Variants in ACACA observed in about 807,000 individuals in gnomAD.
The protein encoded by ACACA is acetyl-CoA carboxylase alpha.
A neutral mutation model predicts 296.1 loss-of-function variants in ACACA; 103 were observed. The observed-to-expected ratio is 0.35, with a 90% CI of 0.30 to 0.41. ACACA has a LOEUF of 0.41. ACACA is among the 10% of genes least tolerant of loss of function. The probability of loss-of-function intolerance (pLI) is 1.00; values close to 1 mark genes in which losing one functional copy is unlikely to be tolerated. For synonymous variants in ACACA, 953 were observed against 1,038.6 expected (o/e 0.92, Z 1.58); for missense variants, 1,554 against 2,989.7 (o/e 0.52, Z 11.20).
intron 55 of ACACA, 36 bp downstream of exon 55, chr17:37,088,902 C>T (rs1421453107): frequency 2.5e-6 from 4 of 1,612,864 alleles, no homozygotes; most frequent in Admixed American, 1.7e-5. Context: ...GAAATTAGCC[C>T]TCCTTCTCTA....
At chr17:37,390,317 T>TATATA (rs1254105888) in intron 1 of ACACA, among the ~76,000 whole-genome samples, 1 of 51,070 alleles carries the variant, frequency 2.0e-5, no homozygotes, top group Non-Finnish European at 3.1e-5. Context: ...TATATATATA[T>TATATA]ATATATATAT....
intron 3 of ACACA, among the ~76,000 whole-genome samples, chr17:37,287,569 T>TAAAAA (rs1170331801): frequency 2.9e-5 from 2 of 69,886 alleles, no homozygotes; most frequent in African/African-American, 1.1e-4. Context: ...ACGTCTCTAC[T>TAAAAA]AAAAAAAAAA....
chr17:37,401,870 C>T (rs952381411), intron 1 of ACACA, among the ~76,000 whole-genome samples: 1 of 152,254 alleles, frequency 6.6e-6, no homozygotes, highest in African/African-American at 2.4e-5. Flanking sequence ...AGAAACTCTA[C>T]GTTTGATTCT....
At chr17:37,148,983 C>T (rs1480672582) in intron 45 of ACACA, among the ~76,000 whole-genome samples, 1 of 152,168 alleles carries the variant, frequency 6.6e-6, no homozygotes, top group Admixed American at 6.5e-5. Flanking sequence ...TGCACAAGGG[C>T]AGTCAGCCTC....
chr17:37,323,711 G>A (rs1028324851), intron 3 of ACACA, among the ~76,000 whole-genome samples: 24 of 152,242 alleles, frequency 1.6e-4, no homozygotes, highest in Non-Finnish European at 2.9e-4. Flanking sequence ...ACTATGCTAA[G>A]AGGTAAAAGA....
chr17:37,334,843 G>T (rs1016354575), intron 2 of ACACA, among the ~76,000 whole-genome samples: 1 of 152,008 alleles, frequency 6.6e-6, no homozygotes, highest in Non-Finnish European at 1.5e-5. Flanking sequence ...CATTGTATAG[G>T]AGTTTATCTA....
intron 14 of ACACA, 43 bp downstream of exon 14, chr17:37,257,660 C>G (rs760254473): frequency 1.9e-6 from 3 of 1,601,436 alleles, no homozygotes; most frequent in African/African-American, 1.3e-5. Flanking sequence ...AAGATTAGCA[C>G]AAATTTATTT....
chr17:37,324,877 A>G (rs1425542654), intron 3 of ACACA, among the ~76,000 whole-genome samples: 1 of 150,456 alleles, frequency 6.6e-6, no homozygotes, highest in Non-Finnish European at 1.5e-5. Flanking sequence ...AAATGAATAA[A>G]TAAGTAAAAT....
chr17:37,273,310 T>C (rs1026674948), intron 9 of ACACA, among the ~76,000 whole-genome samples: 3 of 152,188 alleles, frequency 2.0e-5, no homozygotes, highest in Non-Finnish European at 4.4e-5. Context: ...TTAAACTATT[T>C]ATAAAAGTGA....
chr17:37,126,195 G>A (rs2143219836), intron 47 of ACACA, among the ~76,000 whole-genome samples: 1 of 152,148 alleles, frequency 6.6e-6, no homozygotes, highest in Admixed American at 6.5e-5. Context: ...TTACAATTTT[G>A]TTTGATTCCA....
chr17:37,149,935 G>T lies in ACACA; in HGVS notation c.5608C>A (p.Arg1870=). ...RAIGIGAYLV[R]LGQRTIQVEN... ...ACCTGGATGGTTCTCTGTCCCAGCC[G>T]GACAAGGTAAGCCCCAATCCCAATG... is the stretch of plus-strand genomic sequence containing the variant. The change falls in exon 45 of 56, where the codon CGG becomes AGG. Residue 1870 remains arginine (R), a synonymous_variant. Coordinates refer to ENST00000616317, the MANE Select transcript of ACACA (RefSeq NM_198834.3). 2 of 1,614,152 alleles carry T rather than the reference G, an allele frequency of 1.2e-6. No individual in the cohort carries two copies. The highest frequency in any genetic ancestry group is 1.7e-6 in the Non-Finnish European group (2 of 1,180,016).
At chr17:37,275,678 A>C (rs2082259299) in intron 8 of ACACA, among the ~76,000 whole-genome samples, 1 of 152,114 alleles carries the variant, frequency 6.6e-6, no homozygotes, top group Non-Finnish European at 1.5e-5. Flanking sequence ...ATCTAAACCC[A>C]CAAAACCATA....
chr17:37,156,053 CTTTTTTTTTTTTT>C (rs60787242), intron 42 of ACACA, among the ~76,000 whole-genome samples: 1 of 94,006 alleles, frequency 1.1e-5, no homozygotes, highest in East Asian at 3.6e-4. Flanking sequence ...TTCTTTCTTT[CTTTTTTTTTTTTT>C]TTTTTTTTTT....
rs761912958 is a variant in ACACA at position 37,125,833 on chromosome 17, G to C, written c.5945-39C>G. 2.0e-6 allele frequency: 3 copies of C among 1,531,342 alleles called. No individual in the cohort carries two copies. In the South Asian group the frequency reaches 3.4e-5, roughly 17 times the overall value. 94.9% of individuals were successfully genotyped at this position (1,531,342 alleles called of 1,614,324 possible). A position where few individuals can be genotyped will look rare whatever the true frequency, so the allele number is the denominator to read the frequency against. ...AGAAAGAAAACAGAGAATAAGGACAGTGAATCCATTGACAATGTGCTGGAA... is the reference window on the plus strand; with the variant it reads ...AGAAAGAAAACAGAGAATAAGGACACTGAATCCATTGACAATGTGCTGGAA... On this transcript the variant is annotated intron_variant, in intron 47 of 55. Coordinates refer to ENST00000616317, the MANE Select transcript of ACACA (RefSeq NM_198834.3).
At chr17:37,386,467 C>T (rs2050535666) in intron 1 of ACACA, among the ~76,000 whole-genome samples, 1 of 152,062 alleles carries the variant, frequency 6.6e-6, no homozygotes, top group Admixed American at 6.6e-5. Flanking sequence ...TGGCAGGTAC[C>T]TGTAACCCCA....
chr17:37,310,900 CAGA>C (rs1396075814), intron 3 of ACACA, among the ~76,000 whole-genome samples: 4 of 151,432 alleles, frequency 2.6e-5, no homozygotes, highest in Non-Finnish European at 4.4e-5. Flanking sequence ...TGCATGAAAG[CAGA>C]AGGACTTGCA....
At chr17:37,123,890 C>T (rs376799876) in intron 48 of ACACA, among the ~76,000 whole-genome samples, 36 of 152,240 alleles carry the variant, frequency 2.4e-4, no homozygotes, top group East Asian at 2.3e-3. Flanking sequence ...CATCTTTATC[C>T]AAGTATTACA....
chr17:37,205,722 T>C (rs369265795), intron 33 of ACACA, 43 bp downstream of exon 33: 3 of 1,435,084 alleles, frequency 2.1e-6, no homozygotes, highest in African/African-American at 1.4e-5. Flanking sequence ...ACACAGCCAG[T>C]AGAAAGGGGA....
chr17:37,195,423 T>C (rs2077949647), intron 35 of ACACA, among the ~76,000 whole-genome samples: 1 of 152,066 alleles, frequency 6.6e-6, no homozygotes, highest in African/African-American at 2.4e-5. Flanking sequence ...ATGAAGAAAC[T>C]GACTAATTCT....
Sources: allele counts gnomAD v4.1 joint callset (sites outside exome capture counted in the v4.1 genomes callset), GRCh38; gene constraint gnomAD v4.1.1; transcripts MANE v1.5; gene names NCBI Gene and HGNC (gene_info 2026-07-23, HGNC 2026-07-21).